Variants in SERGEF observed in about 807,000 individuals in gnomAD.
SERGEF encodes secretion-regulating guanine nucleotide exchange factor.
A neutral mutation model predicts 50.0 loss-of-function variants in SERGEF; 51 were observed. The ratio of observed to expected loss-of-function variants is 1.02; its 90% CI spans 0.81 to 1.29. The LOEUF is 1.29. Ranked by LOEUF, SERGEF falls within the 50% of genes most tolerant of loss-of-function variation. SERGEF has a pLI of 0.00. For missense variants in SERGEF, 521 were observed against 557.0 expected, an observed-to-expected ratio of 0.94 and a Z score of 0.65; for synonymous variants, 205 against 212.4, an observed-to-expected ratio of 0.97 and a Z score of 0.30.
At chr11:18,007,222 T>A (rs1854093059) in intron 2 of SERGEF, among the ~76,000 whole-genome samples, 1 of 152,214 alleles carries the variant, frequency 6.6e-6, no homozygotes, top group African/African-American at 2.4e-5. Context: ...TCTATTAATA[T>A]CCATCTTTAT....
chr11:17,809,902 A>G (rs115261081), intron 10 of SERGEF, among the ~76,000 whole-genome samples: 3,162 of 152,268 alleles, frequency 0.021, 99 homozygotes, highest in African/African-American at 0.071. Flanking sequence ...GAGTTCAGGA[A>G]AACATTTGGG....
At chr11:17,872,530 C>A (rs1414815086) in intron 10 of SERGEF, among the ~76,000 whole-genome samples, 1 of 152,154 alleles carries the variant, frequency 6.6e-6, no homozygotes, top group African/African-American at 2.4e-5. Flanking sequence ...ACCCTTATAC[C>A]TTGCTAGTGG....
At chr11:18,001,278 G>T (rs1389916326) in intron 4 of SERGEF, among the ~76,000 whole-genome samples, 2 of 152,176 alleles carry the variant, frequency 1.3e-5, no homozygotes, top group Non-Finnish European at 2.9e-5. Context: ...CTCCCTTCAA[G>T]ATGTGGAGCT....
intron 10 of SERGEF, among the ~76,000 whole-genome samples, chr11:17,824,519 A>T (rs962700480): frequency 2.0e-5 from 3 of 152,202 alleles, no homozygotes; most frequent in East Asian, 1.9e-4. Context: ...TGAATGTATT[A>T]GTCTGCTTGG....
In SERGEF at chr11:17,806,727, C is replaced by T. The variant is rs551347524; in HGVS notation, c.1049-18314G>A. Among the ~76,000 whole-genome samples, 75 of 152,150 alleles carry T rather than the reference C, an allele frequency of 4.9e-4. 1 individual carries two copies. Among genetic ancestry groups the T allele is most frequent in the African/African-American group, 1.7e-3 (71 of 41,498 alleles). On this transcript the variant is annotated intron_variant, in intron 10 of 10. Transcript: ENST00000265965. ...GTGCCCACTTGAAGTGAGGTGAGGC[C>T]GTCACTTCCCGTTCCTCAGGAGAGG...
intron 8 of SERGEF, among the ~76,000 whole-genome samples, chr11:17,986,061 G>A (rs984114373): frequency 2.4e-4 from 37 of 152,148 alleles, no homozygotes; most frequent in Non-Finnish European, 4.4e-4. Context: ...TGCTGATGTG[G>A]CCTGCAAGTT....
chr11:17,927,358 TAAGA>T (rs1402261045), intron 9 of SERGEF, among the ~76,000 whole-genome samples: 1 of 152,204 alleles, frequency 6.6e-6, no homozygotes, highest in Non-Finnish European at 1.5e-5. Context: ...CACTAAAACC[TAAGA>T]AAGAAGGGCT....
chr11:17,791,022 T>C (rs1311221159), intron 10 of SERGEF, among the ~76,000 whole-genome samples: 2 of 152,250 alleles, frequency 1.3e-5, no homozygotes, highest in African/African-American at 4.8e-5. Flanking sequence ...TTTGTTGTTA[T>C]GTGCATTTGG....
At chr11:17,839,559 C>G (rs971860221) in intron 10 of SERGEF, among the ~76,000 whole-genome samples, 1 of 152,122 alleles carries the variant, frequency 6.6e-6, no homozygotes, top group Non-Finnish European at 1.5e-5. Flanking sequence ...TGTCAGTCCT[C>G]AGGCAGAAAA....
intron 8 of SERGEF, among the ~76,000 whole-genome samples, chr11:17,968,399 G>C (rs1398841003): frequency 6.6e-6 from 1 of 152,192 alleles, no homozygotes; most frequent in African/African-American, 2.4e-5. Context: ...CTAGGTGCTA[G>C]GGGCTACTGC....
At chr11:17,808,319 A>G (rs1323762056) in intron 10 of SERGEF, among the ~76,000 whole-genome samples, 1 of 152,208 alleles carries the variant, frequency 6.6e-6, no homozygotes, top group Non-Finnish European at 1.5e-5. Context: ...TGGTGCCAGC[A>G]TCTGTTTCTG....
intron 8 of SERGEF, among the ~76,000 whole-genome samples, chr11:17,970,722 A>G (rs1555018067): frequency 6.6e-6 from 1 of 152,218 alleles, no homozygotes; most frequent in Non-Finnish European, 1.5e-5. Flanking sequence ...TTTTGCTGAT[A>G]TAGAGAAAGT....
intron 9 of SERGEF, among the ~76,000 whole-genome samples, chr11:17,892,296 C>G (rs1376329139): frequency 6.6e-6 from 1 of 152,210 alleles, no homozygotes; most frequent in Non-Finnish European, 1.5e-5. Context: ...GCTTGGGTAA[C>G]TAGATGTTAG....
chr11:17,844,836 T>TG (rs1850573785), intron 10 of SERGEF, among the ~76,000 whole-genome samples: 1 of 151,264 alleles, frequency 6.6e-6, no homozygotes, highest in Admixed American at 6.6e-5. Flanking sequence ...TTGGCGTCCC[T>TG]GGGCCACACT....
chr11:17,988,800 T>C (rs761431072), intron 7 of SERGEF, 45 bp from the exon 8 acceptor site: 24 of 1,560,636 alleles, frequency 1.5e-5, no homozygotes, highest in Non-Finnish European at 2.0e-5. Flanking sequence ...GGAACATTAG[T>C]CCAAAATGAT....
intron 9 of SERGEF, among the ~76,000 whole-genome samples, chr11:17,921,103 C>A (rs1852147573): frequency 6.6e-6 from 1 of 152,230 alleles, no homozygotes; most frequent in South Asian, 2.1e-4. Flanking sequence ...CACACTGGAG[C>A]TGCTCAAAAT....
At chr11:17,908,565 G>T (rs1851895038) in intron 9 of SERGEF, among the ~76,000 whole-genome samples, 1 of 151,920 alleles carries the variant, frequency 6.6e-6, no homozygotes, top group African/African-American at 2.4e-5. Context: ...TTTCCATATT[G>T]AATTGTAAAG....
At chr11:17,894,680 C>G (rs1007920055) in intron 9 of SERGEF, among the ~76,000 whole-genome samples, 2 of 152,134 alleles carry the variant, frequency 1.3e-5, no homozygotes, top group Non-Finnish European at 2.9e-5. Context: ...TCTGGGTACC[C>G]CTTACTGCTC....
At chr11:17,807,336 CACA>C (rs777710431) in intron 10 of SERGEF, among the ~76,000 whole-genome samples, 1 of 101,992 alleles carries the variant, frequency 9.8e-6, no homozygotes, top group Non-Finnish European at 2.3e-5. Flanking sequence ...ACTCCCCCCC[CACA>C]AAAAAAATTC....
Sources: gnomAD v4.1 joint callset for allele counts (sites outside exome capture counted in the v4.1 genomes callset) on GRCh38, gnomAD v4.1.1 for gene constraint, MANE v1.5 for transcripts, NCBI Gene and HGNC (gene_info 2026-07-23, HGNC 2026-07-21) for gene names.